The following PPARGC1A variants were observed in gnomAD, a reference collection of about 807,000 sequenced individuals.
PPARGC1A encodes peroxisome proliferator-activated receptor gamma coactivator 1-alpha.
PPARGC1A carries 25 observed loss-of-function variants against 88.7 expected under a neutral mutation model. The ratio of observed to expected loss-of-function variants is 0.28; its 90% CI spans 0.21 to 0.39. PPARGC1A has a LOEUF of 0.39. Among genes scored for constraint, PPARGC1A ranks in the 10% least tolerant of loss-of-function variants. PPARGC1A has a pLI of 1.00. For missense variants in PPARGC1A, 880 were observed against 968.7 expected (o/e 0.91, Z 1.22); for synonymous variants, 363 against 355.6 (o/e 1.02, Z -0.24).
the PPARGC1A span, among the ~76,000 whole-genome samples, chr4:24,093,578 C>T: frequency 6.6e-6 from 1 of 152,174 alleles, no homozygotes; most frequent in Non-Finnish European, 1.5e-5. Flanking sequence ...CAGAAAATTT[C>T]CCCAGAGACT....
chr4:24,358,975 G>A, the PPARGC1A span, among the ~76,000 whole-genome samples: 2 of 152,170 alleles, frequency 1.3e-5, no homozygotes, highest in South Asian at 2.1e-4. Context: ...CAGCAGGGGC[G>A]ATTACAAACA....
chr4:24,330,047 A>G, the PPARGC1A span, among the ~76,000 whole-genome samples: 3 of 152,204 alleles, frequency 2.0e-5, no homozygotes, highest in Non-Finnish European at 4.4e-5. Context: ...CATGAACATT[A>G]TTGAACATGT....
intron 2 of PPARGC1A, among the ~76,000 whole-genome samples, chr4:23,868,764 A>C (rs999433455): frequency 2.6e-5 from 4 of 152,226 alleles, no homozygotes; most frequent in Admixed American, 2.0e-4. Flanking sequence ...GTAAAGGCTT[A>C]ATGTAAACAC....
At chr4:24,431,454 C>T in the PPARGC1A span, among the ~76,000 whole-genome samples, 1 of 152,074 alleles carries the variant, frequency 6.6e-6, no homozygotes, top group Non-Finnish European at 1.5e-5. Flanking sequence ...GAGATAGAAA[C>T]ATGGATACAG....
the PPARGC1A span, among the ~76,000 whole-genome samples, chr4:23,967,991 C>T: frequency 2.5e-4 from 38 of 152,234 alleles, no homozygotes; most frequent in African/African-American, 8.4e-4. Flanking sequence ...GTTTCAAGCC[C>T]TAGAAACAAC....
chr4:23,803,573 T>C (rs902848934), intron 10 of PPARGC1A, among the ~76,000 whole-genome samples: 3 of 152,134 alleles, frequency 2.0e-5, no homozygotes, highest in Non-Finnish European at 4.4e-5. Flanking sequence ...GCATTCTTAG[T>C]GTAAGAAGCA....
At chr4:24,172,719 G>A in the PPARGC1A span, among the ~76,000 whole-genome samples, 3 of 152,322 alleles carry the variant, frequency 2.0e-5, no homozygotes, top group Middle Eastern at 3.4e-3. Context: ...TTTCTCTCAG[G>A]CAGACAGTTC....
At chr4:24,013,730 T>C in the PPARGC1A span, among the ~76,000 whole-genome samples, 4 of 152,230 alleles carry the variant, frequency 2.6e-5, no homozygotes, top group African/African-American at 9.6e-5. Flanking sequence ...ATTAAATTTT[T>C]GGCAAAAGGA....
At chr4:24,287,219 A>G in the PPARGC1A span, among the ~76,000 whole-genome samples, 5 of 151,560 alleles carry the variant, frequency 3.3e-5, no homozygotes, top group Admixed American at 3.3e-4. Flanking sequence ...AAAAAAAAAA[A>G]TGTATCCAGA....
At chr4:24,053,012 C>T in the PPARGC1A span, among the ~76,000 whole-genome samples, 6 of 151,030 alleles carry the variant, frequency 4.0e-5, no homozygotes, top group East Asian at 3.9e-4. Flanking sequence ...TACAGGCACC[C>T]GCCACCACAC....
chr4:24,447,317 C>T, the PPARGC1A span, among the ~76,000 whole-genome samples: 343 of 152,286 alleles, frequency 2.3e-3, 1 homozygote, highest in African/African-American at 8.0e-3. Context: ...CCAAACAGAG[C>T]TGCCCTCTGG....
chr4:24,466,035 G>A, the PPARGC1A span, among the ~76,000 whole-genome samples: 1 of 151,964 alleles, frequency 6.6e-6, no homozygotes, highest in Non-Finnish European at 1.5e-5. Context: ...ATATTTTATT[G>A]ATATTCATGT....
chr4:24,241,837 C>T, the PPARGC1A span, among the ~76,000 whole-genome samples: 1 of 152,178 alleles, frequency 6.6e-6, no homozygotes, highest in Non-Finnish European at 1.5e-5. Context: ...CATGAACAAT[C>T]CAAAACAGCA....
the PPARGC1A span, among the ~76,000 whole-genome samples, chr4:23,944,011 TAAATG>T: frequency 6.6e-6 from 1 of 152,076 alleles, no homozygotes; most frequent in Non-Finnish European, 1.5e-5. Flanking sequence ...ACATAATGAT[TAAATG>T]AAATGTGGTG....
At chr4:23,850,120 C>T (rs73097620) in intron 2 of PPARGC1A, among the ~76,000 whole-genome samples, 31,232 of 152,002 alleles carry the variant, frequency 0.21, 4,376 homozygotes, top group African/African-American at 0.39. Flanking sequence ...GTTTGAGCTA[C>T]GGGCTTCAGG....
At chr4:24,398,578 T>C in the PPARGC1A span, among the ~76,000 whole-genome samples, 3 of 152,240 alleles carry the variant, frequency 2.0e-5, no homozygotes, top group African/African-American at 7.2e-5. Flanking sequence ...CATGTCCTCT[T>C]TTCTGTAGCA....
At chr4:24,457,207 C>T in the PPARGC1A span, among the ~76,000 whole-genome samples, 11 of 152,260 alleles carry the variant, frequency 7.2e-5, no homozygotes, top group African/African-American at 2.2e-4. Context: ...TAGTCACTCC[C>T]CCTGCCCTCT....
At position 23,884,866 on chromosome 4, in the gene PPARGC1A, T is replaced by G; in HGVS notation, c.120A>C (p.Glu40Asp). ...CTGTATCCAAGTCGTTCACATCTAG[T>G]TCAGAAAGATCAAGTTCAGGAAGAT... ...CPDLPELDLS[E>D]LDVNDLDTDS... Residue 40 changes from glutamate (E) to aspartate (D), a missense_variant, in exon 2 of 13, where the codon GAA (glutamate) becomes GAC (aspartate). By Grantham distance (45) the Glu-to-Asp change is conservative. Transcript: ENST00000264867. 1 of 1,613,766 alleles carries G rather than the reference T, an allele frequency of 6.2e-7. No homozygotes were observed. The highest frequency in any genetic ancestry group is 8.5e-7 in the Non-Finnish European group (1 of 1,179,806).
chr4:24,017,094 G>A, the PPARGC1A span, among the ~76,000 whole-genome samples: 2 of 152,292 alleles, frequency 1.3e-5, no homozygotes, highest in Admixed American at 1.3e-4. Flanking sequence ...ATTGGAGAGC[G>A]TGGGCAGTTG....
Sources: allele counts gnomAD v4.1 joint callset (sites outside exome capture counted in the v4.1 genomes callset), GRCh38; gene constraint gnomAD v4.1.1; transcripts MANE v1.5; gene names NCBI Gene and HGNC (gene_info 2026-07-23, HGNC 2026-07-21).